The following NVL variants were observed in gnomAD, a reference collection of about 807,000 sequenced individuals.
The protein encoded by NVL is nuclear VCP like.
Under a neutral mutation model 110.2 loss-of-function variants are expected in NVL, and 84 were observed. That is an observed-to-expected ratio of 0.76 (90% CI 0.64 to 0.91). NVL has a LOEUF of 0.91. Among genes scored for constraint, NVL ranks in the 40% least tolerant of loss-of-function variants. NVL has a pLI of 0.00. For missense variants in NVL, 882 were observed against 1,035.9 expected (o/e 0.85, Z 2.04); for synonymous variants, 354 against 361.1 (o/e 0.98, Z 0.22).
At position 224,271,672 on chromosome 1, in the gene NVL, T is replaced by C. The variant is rs543365309; in HGVS notation, c.2083-3539A>G. On this transcript the variant is annotated intron_variant, in intron 17 of 22. Transcript: ENST00000281701. The stretch of plus-strand genomic sequence containing the variant: ...TACTCTCTTTATACTTGTGTTTTAT[T>C]TGAATTTTTCACAAATGTGTATTCA... Among the ~76,000 whole-genome samples, 9 of 152,286 alleles carry C rather than the reference T, an allele frequency of 5.9e-5. 1 individual carries two copies. The East Asian group carries it at 1.7e-3, about 29-fold the overall frequency.
intron 8 of NVL, among the ~76,000 whole-genome samples, chr1:224,304,414 A>G (rs547388885): frequency 6.6e-6 from 1 of 151,972 alleles, no homozygotes; most frequent in Non-Finnish European, 1.5e-5. Flanking sequence ...ACAGAGCTAC[A>G]CTCCTTCTCA....
intron 1 of NVL, among the ~76,000 whole-genome samples, chr1:224,327,820 A>G (rs1464687814): frequency 6.6e-6 from 1 of 151,326 alleles, no homozygotes; most frequent in African/African-American, 2.4e-5. Flanking sequence ...AAACCTCAAT[A>G]AAGTGAAGGA....
Position 224,296,507 on chromosome 1 carries a change from T to C in NVL, c.1174A>G (p.Met392Val). 6.5e-7 allele frequency: 1 copy of C among 1,536,966 alleles called. No individual in the cohort carries two copies. Among genetic ancestry groups the C allele is most frequent in the Middle Eastern group, 1.7e-4 (1 of 5,810 alleles). ...TTTATTATTTTAAACTAACCATCCA[T>C]GCAGGTTAGGAGTTGGGCTACAATT... Reference protein sequence around the residue: ...RRIVAQLLTCMDDLNNVAATA... With the variant: ...RRIVAQLLTCVDDLNNVAATA... The change falls in exon 11 of 23, where the codon ATG becomes GTG. Residue 392 changes from methionine to valine, a missense_variant. By Grantham distance (21) the Met-to-Val change is conservative (BLOSUM62 1). Around this residue, in one of 4 missense-constraint regions of NVL, gnomAD observed 416 missense variants for 499.3 expected, o/e 0.83. Transcript: ENST00000281701.
chr1:224,233,083 T>G, intron 21 of NVL, 118 bp downstream of exon 21: 2 of 770,420 alleles, frequency 2.6e-6, no homozygotes, highest in Non-Finnish European at 4.1e-6. Context: ...ACAGTCTTAT[T>G]AGAAAAACGT....
In NVL at chr1:224,296,690, C is replaced by T. The variant is rs987550280; in HGVS notation, c.1063-72G>A. ...ATACTGAAGCACAATTAAGCATATA[C>T]ATTTTAAAAAAAATCTTCAAGGTCA... On this transcript the variant is annotated intron_variant, in intron 10 of 22. Coordinates refer to ENST00000281701, the MANE Select transcript of NVL (RefSeq NM_002533.4). 1.5e-5 allele frequency: 14 copies of T among 912,650 alleles called. No individual in the cohort carries two copies. In the African/African-American group the frequency reaches 2.2e-4, roughly 14 times the overall value. 56.5% of individuals were successfully genotyped at this position (912,650 alleles called of 1,614,324 possible).
chr1:224,310,407 C>T (rs914698900), intron 5 of NVL, among the ~76,000 whole-genome samples: 2 of 152,076 alleles, frequency 1.3e-5, no homozygotes, highest in East Asian at 1.9e-4. Context: ...ACTATATTAT[C>T]TCCATATTCT....
In NVL at chr1:224,294,328, G is replaced by C; in HGVS notation, c.1264C>G (p.Arg422Gly). ...ATTTCTCGGTCGAACCTTCCCGCAC[G>C]TCTCAAAGCAGGGTCTAACGAGTCT... ...RPDSLDPALR[R>G]AGRFDREICL... is the part of the protein sequence containing the mutation. Residue 422 changes from arginine (R) to glycine (G), a missense_variant, in exon 12 of 23, where the codon CGT becomes GGT. By Grantham distance (125) the Arg-to-Gly change is moderately radical. Coordinates refer to ENST00000281701, the MANE Select transcript of NVL (RefSeq NM_002533.4). 1 of 1,614,058 alleles carries C rather than the reference G, an allele frequency of 6.2e-7. No individual in the cohort carries two copies. Among genetic ancestry groups the C allele is most frequent in the South Asian group, 1.1e-5 (1 of 91,078 alleles).
At chr1:224,321,386 A>G (rs1273876416) in intron 2 of NVL, among the ~76,000 whole-genome samples, 1 of 152,204 alleles carries the variant, frequency 6.6e-6, no homozygotes, top group Admixed American at 6.5e-5. Context: ...ACACCTGGAT[A>G]AGAGAAGATG....
At chr1:224,314,295 AAC>A (rs1669849587) in intron 4 of NVL, among the ~76,000 whole-genome samples, 2 of 152,234 alleles carry the variant, frequency 1.3e-5, no homozygotes, top group Admixed American at 1.3e-4. Context: ...GCAATAGTGT[AAC>A]ACAAATAAAT....
intron 5 of NVL, among the ~76,000 whole-genome samples, chr1:224,308,694 A>AC (rs1669191248): frequency 6.7e-6 from 1 of 149,370 alleles, no homozygotes; most frequent in African/African-American, 2.5e-5. Context: ...CCATCTCAAA[A>AC]AAAAAAAAAA....
chr1:224,276,583 A>G (rs2102859789), intron 16 of NVL, among the ~76,000 whole-genome samples: 1 of 152,292 alleles, frequency 6.6e-6, no homozygotes, highest in East Asian at 1.9e-4. Context: ...TAATGACTAT[A>G]TGGCCATACT....
intron 13 of NVL, 96 bp downstream of exon 13, chr1:224,289,387 GA>G (rs1160216730): frequency 1.6e-6 from 2 of 1,286,392 alleles, no homozygotes; most frequent in African/African-American, 1.5e-5. Context: ...CAATAAAACA[GA>G]AAGTAATGAA....
At chr1:224,286,003 A>G (rs1185318248) in intron 15 of NVL, 23 bp downstream of exon 15, 2 of 1,532,476 alleles carry the variant, frequency 1.3e-6, no homozygotes, top group East Asian at 2.2e-5. Flanking sequence ...AATAAATTAC[A>G]TGCAATTGAA....
At position 224,305,017 on chromosome 1, in the gene NVL, C is replaced by G; in HGVS notation, c.748+17G>C. On this transcript the variant is annotated intron_variant, in intron 7 of 22. Transcript: ENST00000281701. ...CTGCAAACATGACCACTGCCACCAACAAGACTCACACCTTACCTTTCTTTT... is the reference window on the plus strand; with the variant it reads ...CTGCAAACATGACCACTGCCACCAAGAAGACTCACACCTTACCTTTCTTTT... The G allele has an allele frequency of 1.9e-6, 3 of 1,610,842 alleles. No homozygotes were observed. The highest frequency in any genetic ancestry group is 2.5e-6 in the Non-Finnish European group (3 of 1,178,938).
At chr1:224,303,593 G>T (rs943406855) in intron 9 of NVL, 130 bp downstream of exon 9, 5 of 780,886 alleles carry the variant, frequency 6.4e-6, no homozygotes, top group Non-Finnish European at 9.8e-6. Context: ...ATAACAAAGG[G>T]ATCAGTTCCA....
At chr1:224,281,284 CGTGTGTGTGTGTGTGT>C in intron 15 of NVL, 99 bp from the exon 16 acceptor site, 2 of 552,222 alleles carry the variant, frequency 3.6e-6, no homozygotes, top group Non-Finnish European at 6.5e-6. Context: ...ACTCTGTGTG[CGTGTGTGTGTGTGTGT>C]GTGTGTGTGT....
intron 18 of NVL, among the ~76,000 whole-genome samples, chr1:224,261,987 AAAG>A (rs1421718295): frequency 6.6e-6 from 1 of 152,124 alleles, no homozygotes; most frequent in Non-Finnish European, 1.5e-5. Context: ...AAATTAAATA[AAAG>A]AAGAGGGCTG....
chr1:224,236,411 C>T (rs1660476275), intron 20 of NVL, 95 bp downstream of exon 20: 1 of 922,122 alleles, frequency 1.1e-6, no homozygotes. Flanking sequence ...TTAATCCTCC[C>T]AACAATCTGC....
rs184906990 is a variant in NVL, at chr1:224,231,587, T to C, written c.2456-291A>G. Among the ~76,000 whole-genome samples the C allele has an allele frequency of 2.2e-3, 335 of 152,298 alleles. 2 individuals are homozygous for C. Among genetic ancestry groups the C allele is most frequent in the African/African-American group, 7.4e-3 (307 of 41,564 alleles). Reference sequence around the variant, plus strand: ...TGCCTATGAACAAGAGCCAGAATTATTCAGATAATTCAAATAAATGTAACT... The same window carrying C: ...TGCCTATGAACAAGAGCCAGAATTACTCAGATAATTCAAATAAATGTAACT... On this transcript the variant is annotated intron_variant, in intron 21 of 22. Transcript: ENST00000281701.
Sources: gnomAD v4.1 joint callset for allele counts (sites outside exome capture counted in the v4.1 genomes callset) on GRCh38, gnomAD v4.1.1 for gene constraint, gnomAD v4.1.1 regional missense constraint, MANE v1.5 for transcripts, NCBI Gene and HGNC (gene_info 2026-07-23, HGNC 2026-07-21) for gene names.